Variants in CHD7 observed in about 807,000 individuals in gnomAD.
CHD7 encodes ATP-dependent chromatin remodeler CHD7.
A neutral mutation model predicts 307.3 loss-of-function variants in CHD7; 24 were observed. That is an observed-to-expected ratio of 0.08 (90% CI 0.06 to 0.11). The LOEUF (loss-of-function observed/expected upper bound fraction) is 0.11. CHD7 is among the 10% of genes least tolerant of loss of function. The pLI is 1.00. For missense variants in CHD7, 3,106 were observed against 3,727.1 expected, an observed-to-expected ratio of 0.83 and a Z score of 4.34; for synonymous variants, 1,363 against 1,349.9, an observed-to-expected ratio of 1.01 and a Z score of -0.21.
rs1806638092 is a variant in CHD7 at position 60,699,214 on chromosome 8, G to A, written c.-175+20132G>A. On this transcript the variant is annotated intron_variant, in intron 1 of 37. Coordinates refer to ENST00000423902, the MANE Select transcript of CHD7 (RefSeq NM_017780.4). ...TTTTGCTGGTGGTATCTTGGTCAGA[G>A]TTTTCTAGATTTTCCCATGTGTCAT... Among the ~76,000 whole-genome samples, 3 of 152,224 alleles carry A rather than the reference G, an allele frequency of 2.0e-5. No individual in the cohort carries two copies. The South Asian group carries it at 6.2e-4, about 31-fold the overall frequency.
chr8:60,791,829 T>A (rs548678407), intron 3 of CHD7, among the ~76,000 whole-genome samples: 5 of 152,330 alleles, frequency 3.3e-5, no homozygotes, highest in African/African-American at 1.2e-4. Flanking sequence ...TTTTAGCTAG[T>A]GCTTAGGAAT....
intron 2 of CHD7, among the ~76,000 whole-genome samples, chr8:60,759,740 A>G (rs891911063): frequency 6.6e-6 from 1 of 152,144 alleles, no homozygotes; most frequent in African/African-American, 2.4e-5. Flanking sequence ...GGATTTAAAA[A>G]TTCTCTTAGT....
At position 60,866,231 on chromosome 8, in the gene CHD7, A is replaced by G. The variant is rs550727321; in HGVS notation, c.*298A>G. The G allele has an allele frequency of 1.8e-5, 4 of 222,956 alleles. No homozygotes were observed. The East Asian group carries it at 2.8e-4, about 16-fold the overall frequency. The allele number at this position is 222,956 out of a possible 1,614,324, so 13.8% of individuals were successfully genotyped here. A position where few individuals can be genotyped will look rare whatever the true frequency, so the allele number is the denominator to read the frequency against. ...TTTTTCTCTTGGTACCATTGGTATT[A>G]TAATAAAGAGCAATTTGTAACTGAG... is the stretch of plus-strand genomic sequence containing the variant. On this transcript the variant is annotated 3_prime_UTR_variant, in exon 38 of 38. Transcript: ENST00000423902.
intron 7 of CHD7, among the ~76,000 whole-genome samples, chr8:60,810,427 A>ATATTTTT (rs1812745125): frequency 6.6e-6 from 1 of 151,670 alleles, no homozygotes; most frequent in African/African-American, 2.4e-5. Context: ...TTACACACAC[A>ATATTTTT]CTTATCTGTT....
chr8:60,765,204 T>TACAC (rs71245521), intron 2 of CHD7, among the ~76,000 whole-genome samples: 1,888 of 150,120 alleles, frequency 0.013, 21 homozygotes, highest in South Asian at 0.018. Flanking sequence ...GGGATATGCA[T>TACAC]ACACACACAC....
intron 1 of CHD7, among the ~76,000 whole-genome samples, chr8:60,716,189 C>T (rs1482783015): frequency 6.6e-6 from 1 of 152,162 alleles, no homozygotes; most frequent in Non-Finnish European, 1.5e-5. Flanking sequence ...TTTTCCTTGC[C>T]GGTGTTACTG....
rs2150669843 is a variant in CHD7 at position 60,781,280 on chromosome 8, C to CA, written c.1953dup (p.Asp652ArgfsTer24). ...AAAAAGAAAAAGAAAAGGTCAAAGG[C>CA]AAAAAAAGACCCGAAGGAACCGAAA... is the stretch of plus-strand genomic sequence containing the variant. On this transcript the variant is annotated frameshift_variant, in exon 3 of 38. Transcript: ENST00000423902. LOFTEE classifies it high-confidence loss of function. 6.4e-7 allele frequency: 1 copy of CA among 1,562,300 alleles called. No homozygotes were observed. Among genetic ancestry groups the CA allele is most frequent in the South Asian group, 1.2e-5 (1 of 84,706 alleles).
Position 60,800,491 on chromosome 8 carries a change from A to G in CHD7, c.2342A>G (p.Asp781Gly), listed in dbSNP as rs1586350973. 6.2e-7 allele frequency: 1 copy of G among 1,613,590 alleles called. No individual in the cohort carries two copies. Among genetic ancestry groups the G allele is most frequent in the Non-Finnish European group, 8.5e-7 (1 of 1,179,692 alleles). Residue 781 changes from aspartate to glycine, a missense_variant, in exon 5 of 38, where the codon GAT becomes GGT. Asp to Gly is a moderately conservative substitution (Grantham distance 94, BLOSUM62 -1). Around this residue, in one of 10 missense-constraint regions of CHD7, gnomAD observed 998 missense variants for 1,004.5 expected, o/e 0.99. Coordinates refer to ENST00000423902, the MANE Select transcript of CHD7 (RefSeq NM_017780.4). ...GATGATGCAGATGCTGCTGGGAGGG[A>G]TTCCCCCTCCAACACCTCCCAGTCA... Reference protein sequence around the residue: ...EADDADAAGRDSPSNTSQSEQ... With the variant: ...EADDADAAGRGSPSNTSQSEQ...
chr8:60,824,733 A>G (rs1463187712), intron 13 of CHD7: 1 of 152,154 alleles, frequency 6.6e-6, no homozygotes, highest in African/African-American at 2.4e-5. Flanking sequence ...GGAGTTTTAC[A>G]CCACACTTAT....
intron 7 of CHD7, among the ~76,000 whole-genome samples, chr8:60,814,445 T>TTG (rs1803632938): frequency 6.6e-6 from 1 of 152,224 alleles, no homozygotes; most frequent in Non-Finnish European, 1.5e-5. Flanking sequence ...GTGTTTCTTT[T>TTG]TGTGTGTGTG....
chr8:60,713,766 C>T (rs1176986650), intron 1 of CHD7, among the ~76,000 whole-genome samples: 3 of 152,098 alleles, frequency 2.0e-5, no homozygotes, highest in South Asian at 4.2e-4. Flanking sequence ...CCAGGGAAAA[C>T]GCATCCCACT....
At chr8:60,713,811 T>A (rs1406185799) in intron 1 of CHD7, among the ~76,000 whole-genome samples, 1 of 152,130 alleles carries the variant, frequency 6.6e-6, no homozygotes, top group African/African-American at 2.4e-5. Flanking sequence ...AGACCAGGTC[T>A]TGTCACTTCT....
intron 1 of CHD7, among the ~76,000 whole-genome samples, chr8:60,688,463 T>G (rs2150483637): frequency 6.6e-6 from 1 of 152,344 alleles, no homozygotes; most frequent in African/African-American, 2.4e-5. Flanking sequence ...TGGACAAGAA[T>G]GAGTGGCCTA....
At chr8:60,829,188 A>T (rs1804388322) in intron 14 of CHD7, among the ~76,000 whole-genome samples, 1 of 152,178 alleles carries the variant, frequency 6.6e-6, no homozygotes, top group Non-Finnish European at 1.5e-5. Flanking sequence ...GTTCTTTGTG[A>T]AGCATCTGTA....
chr8:60,753,384 T>A (rs1809733307), intron 2 of CHD7, among the ~76,000 whole-genome samples: 1 of 152,144 alleles, frequency 6.6e-6, no homozygotes, highest in East Asian at 1.9e-4. Flanking sequence ...GTAGAAGACT[T>A]AGATCAAAGA....
chr8:60,865,518 G>A lies in CHD7; in HGVS notation c.8579G>A (p.Ser2860Asn), dbSNP rs2129766206. 2 of 1,614,082 alleles carry A rather than the reference G, an allele frequency of 1.2e-6. No homozygotes were observed. The highest frequency in any genetic ancestry group is 2.2e-5 in the South Asian group (2 of 91,092). Residue 2860 changes from serine (S) to asparagine (N), a missense_variant, in exon 38 of 38, where the codon AGC becomes AAC. Physicochemically the swap from Ser to Asn is conservative, Grantham distance 46 (BLOSUM62 1). Coordinates refer to ENST00000423902, the MANE Select transcript of CHD7 (RefSeq NM_017780.4). This position sits in a 1 kb window ranked among gnomAD's most constrained non-coding sequence, Gnocchi z 4.3. ...GACGAGAACAAAGACTCTGAGAAAA[G>A]CACAGATGCTGTTTCGGCTGCTGAC... is the stretch of plus-strand genomic sequence containing the variant. ...NEDENKDSEK[S>N]TDAVSAADSA...
chr8:60,847,790 T>C (rs1012287131), intron 23 of CHD7, among the ~76,000 whole-genome samples: 1 of 152,202 alleles, frequency 6.6e-6, no homozygotes, highest in Non-Finnish European at 1.5e-5. Flanking sequence ...TTCTTGAGAA[T>C]GATTAAGAAT....
chr8:60,714,214 G>A (rs1384666071), intron 1 of CHD7, among the ~76,000 whole-genome samples: 1 of 152,008 alleles, frequency 6.6e-6, no homozygotes, highest in Non-Finnish European at 1.5e-5. Flanking sequence ...CAGACGCAGG[G>A]CGGAGCGGGG....
At chr8:60,830,036 G>C (rs1384629884) in intron 14 of CHD7, among the ~76,000 whole-genome samples, 1 of 152,186 alleles carries the variant, frequency 6.6e-6, no homozygotes, top group Admixed American at 6.5e-5. Flanking sequence ...AAACAGAAGG[G>C]AAAGCTACAT....
Sources: gnomAD v4.1 joint callset for allele counts (sites outside exome capture counted in the v4.1 genomes callset) on GRCh38, gnomAD v4.1.1 for gene constraint, gnomAD v4.1.1 regional missense constraint, Gnocchi (gnomAD v3.1) non-coding constraint, MANE v1.5 for transcripts, NCBI Gene and HGNC (gene_info 2026-07-23, HGNC 2026-07-21) for gene names.